PITPNA: variants seen among roughly 807,000 people sequenced by gnomAD.
PITPNA encodes the protein phosphatidylinositol transfer protein alpha.
A neutral mutation model predicts 50.3 loss-of-function variants in PITPNA; 13 were observed. The observed-to-expected ratio is 0.26, with a 90% CI of 0.17 to 0.41. The LOEUF (loss-of-function observed/expected upper bound fraction) is 0.41, where lower values mean the gene tolerates loss of function less well. PITPNA is among the 10% of genes least tolerant of loss of function. PITPNA has a pLI of 1.00. For missense variants in PITPNA, 207 were observed against 333.4 expected (o/e 0.62, Z 2.95); for synonymous variants, 120 against 119.6 (o/e 1.00, Z -0.02).
intron 2 of PITPNA, among the ~76,000 whole-genome samples, chr17:1,555,430 CCT>C (rs2075730335): frequency 6.6e-6 from 1 of 152,132 alleles, no homozygotes; most frequent in African/African-American, 2.4e-5. Context: ...TGCTCTGCCC[CCT>C]GGGAAAGCAG....
intron 2 of PITPNA, among the ~76,000 whole-genome samples, chr17:1,556,137 T>C (rs1023530524): frequency 8.5e-5 from 13 of 152,126 alleles, no homozygotes; most frequent in African/African-American, 2.7e-4. Context: ...TCTGAGAAGG[T>C]TGATCATGAA....
At chr17:1,554,018 AC>A (rs1188064113) in intron 2 of PITPNA, among the ~76,000 whole-genome samples, 7 of 152,318 alleles carry the variant, frequency 4.6e-5, no homozygotes, top group Admixed American at 1.3e-4. Context: ...TATTTGGGTC[AC>A]ATGCCACCCT....
intron 4 of PITPNA, among the ~76,000 whole-genome samples, chr17:1,544,396 C>T (rs544177488): frequency 6.6e-6 from 1 of 152,290 alleles, no homozygotes; most frequent in African/African-American, 2.4e-5. Context: ...GAGACAGATC[C>T]ACTCAGTTCT....
chr17:1,553,622 G>C (rs2075720717), intron 2 of PITPNA, among the ~76,000 whole-genome samples: 1 of 152,152 alleles, frequency 6.6e-6, no homozygotes, highest in African/African-American at 2.4e-5. Flanking sequence ...GTCCAAAGGA[G>C]CTTTTGTGCT....
chr17:1,530,361 AAG>A (rs1038908705), intron 10 of PITPNA, among the ~76,000 whole-genome samples: 91 of 147,652 alleles, frequency 6.2e-4, no homozygotes, highest in African/African-American at 2.3e-3. Context: ...GTTGGGGAGA[AAG>A]AGAGAGACAG....
chr17:1,555,240 C>A (rs1055630019), intron 2 of PITPNA, among the ~76,000 whole-genome samples: 1 of 152,208 alleles, frequency 6.6e-6, no homozygotes, highest in Admixed American at 6.5e-5. Flanking sequence ...AGGGCAGGTT[C>A]TAAGAGGATC....
At chr17:1,535,113 G>A (rs1325493576) in intron 9 of PITPNA, 69 bp downstream of exon 9, 10 of 938,992 alleles carry the variant, frequency 1.1e-5, no homozygotes, top group African/African-American at 1.7e-5. Flanking sequence ...CCTTATGGAT[G>A]AAGTTCTCCA....
At chr17:1,526,333 G>A (rs914696283) in intron 10 of PITPNA, among the ~76,000 whole-genome samples, 1 of 152,234 alleles carries the variant, frequency 6.6e-6, no homozygotes, top group Non-Finnish European at 1.5e-5. Context: ...AGTGGCACCA[G>A]ATGGACAGAA....
intron 4 of PITPNA, among the ~76,000 whole-genome samples, chr17:1,545,522 G>A (rs757812668): frequency 6.6e-6 from 1 of 152,168 alleles, no homozygotes; most frequent in Admixed American, 6.5e-5. Context: ...TCCTGAATAG[G>A]AGGTCAGCAC....
rs542864779 is a variant in PITPNA at position 1,541,286 on chromosome 17, G to A, written c.372+280C>T. Reference sequence around the variant, plus strand: ...GAGTTACTGCAAATTGTGCTCTATAGAAAACTGTAATTTTGGTCTTTTAAA... The same window carrying A: ...GAGTTACTGCAAATTGTGCTCTATAAAAAACTGTAATTTTGGTCTTTTAAA... On this transcript the variant is annotated intron_variant, in intron 6 of 11. Transcript: ENST00000313486. Among the ~76,000 whole-genome samples the A allele has an allele frequency of 6.6e-4, 100 of 152,254 alleles. 1 individual carries two copies. Among genetic ancestry groups the A allele is most frequent in the Admixed American group, 5.2e-3 (80 of 15,292 alleles).
At chr17:1,526,367 G>A (rs1421488554) in intron 10 of PITPNA, among the ~76,000 whole-genome samples, 1 of 152,250 alleles carries the variant, frequency 6.6e-6, no homozygotes, top group Non-Finnish European at 1.5e-5. Context: ...TGAATGGGGT[G>A]AAGCGCGTGA....
chr17:1,540,366 G>T (rs1354631439), intron 6 of PITPNA, among the ~76,000 whole-genome samples: 1 of 152,104 alleles, frequency 6.6e-6, no homozygotes, highest in Non-Finnish European at 1.5e-5. Context: ...CCCCAGTCTA[G>T]TAACAGCCAC....
At position 1,550,090 on chromosome 17, in the gene PITPNA, G is replaced by A. The variant is rs532746635; in HGVS notation, c.198-1703C>T. Among the ~76,000 whole-genome samples the A allele has an allele frequency of 3.9e-5, 6 of 152,302 alleles. No homozygotes were observed. The South Asian group carries it at 6.2e-4, about 16-fold the overall frequency. On this transcript the variant is annotated intron_variant, in intron 3 of 11. Transcript: ENST00000313486. The stretch of plus-strand genomic sequence containing the variant: ...CAAACTAGAGCAGAGAGCTAACCTG[G>A]AGCACTTGGGGCGGCCTCTGTGATT...
chr17:1,522,592 TG>T (rs887567045), intron 10 of PITPNA, among the ~76,000 whole-genome samples: 2 of 151,882 alleles, frequency 1.3e-5, no homozygotes, highest in African/African-American at 4.8e-5. Context: ...AGGCTGATCT[TG>T]AACTCCTGAC....
rs1429350710 is a variant in PITPNA, at chr17:1,548,515, G to A, written c.198-128C>T. 4.7e-6 allele frequency: 3 copies of A among 642,936 alleles called. No homozygotes were observed. In the East Asian group the frequency reaches 9.0e-5, roughly 19 times the overall value. 39.8% of individuals were successfully genotyped at this position (642,936 alleles called of 1,614,324 possible). A position where few individuals can be genotyped will look rare whatever the true frequency, so the allele number is the denominator to read the frequency against. On this transcript the variant is annotated intron_variant, in intron 3 of 11. Transcript: ENST00000313486. Reference sequence around the variant, plus strand: ...TCCATGCAATGAGCAGGTTACTGGTGGGAGTGAGAAGTTACGTATGAGAGC... The same window carrying A: ...TCCATGCAATGAGCAGGTTACTGGTAGGAGTGAGAAGTTACGTATGAGAGC...
intron 1 of PITPNA, chr17:1,561,331 C>G (rs1041945585): frequency 6.6e-6 from 1 of 152,290 alleles, no homozygotes. Flanking sequence ...CCAGAAGTCA[C>G]CAGTTTCCCA....
At chr17:1,560,389 G>A (rs950685374) in intron 1 of PITPNA, among the ~76,000 whole-genome samples, 8 of 72,084 alleles carry the variant, frequency 1.1e-4, no homozygotes, top group Admixed American at 7.7e-4. Context: ...TGTCTCGGAT[G>A]CCCTGATGCC....
intron 6 of PITPNA, among the ~76,000 whole-genome samples, chr17:1,539,764 T>C (rs1347582924): frequency 2.0e-5 from 3 of 152,180 alleles, no homozygotes; most frequent in Non-Finnish European, 4.4e-5. Flanking sequence ...TGAGATGGAG[T>C]CTTGCTGCGA....
At chr17:1,545,852 C>T (rs965984018) in intron 4 of PITPNA, among the ~76,000 whole-genome samples, 1 of 150,738 alleles carries the variant, frequency 6.6e-6, no homozygotes, top group Non-Finnish European at 1.5e-5. Flanking sequence ...CTGCGACTCT[C>T]TTAGACATCA....
Sources: allele counts gnomAD v4.1 joint callset (sites outside exome capture counted in the v4.1 genomes callset), GRCh38; gene constraint gnomAD v4.1.1; transcripts MANE v1.5; gene names NCBI Gene and HGNC (gene_info 2026-07-23, HGNC 2026-07-21).